Variants in RPS29 observed in about 807,000 individuals in gnomAD.
RPS29 encodes the protein small ribosomal subunit protein uS14.
For synonymous variants in RPS29, 37 were observed against 26.9 expected (o/e 1.37, Z -1.16); for missense variants, 60 against 75.7 (o/e 0.79, Z 0.77).
At chr14:49,574,020 C>T (rs1021088554) in exon 3 of RPS29, 58 of 152,288 alleles carry the variant, frequency 3.8e-4, no homozygotes, top group African/African-American at 1.4e-3. Flanking sequence ...TTTATCACTC[C>T]ATCAACTCGT....
downstream of RPS29, among the ~76,000 whole-genome samples, chr14:49,582,734 C>G (rs1306019023): frequency 6.6e-6 from 1 of 152,230 alleles, no homozygotes; most frequent in Non-Finnish European, 1.5e-5. Flanking sequence ...ACCCTAACAA[C>G]ACATTTCTAA....
At chr14:49,584,890 C>G (rs943739348) in intron 2 of RPS29, among the ~76,000 whole-genome samples, 1 of 150,982 alleles carries the variant, frequency 6.6e-6, no homozygotes, top group African/African-American at 2.4e-5. Flanking sequence ...AAAAAAAAAC[C>G]CAAACTACTA....
At chr14:49,577,422 A>G (rs1881213486) in exon 3 of RPS29, 1 of 352,868 alleles carries the variant, frequency 2.8e-6, no homozygotes, top group South Asian at 2.7e-5. Context: ...GCAGGCTGGC[A>G]TTGGCATTGG....
chr14:49,597,608 A>G (rs1881861161), intron 1 of RPS29: 1 of 152,040 alleles, frequency 6.6e-6, no homozygotes, highest in Non-Finnish European at 1.5e-5. Flanking sequence ...TCGCGTTTTA[A>G]TGCTCTACTA....
At chr14:49,592,408 C>T (rs1881734642) in intron 1 of RPS29, 2 of 142,904 alleles carry the variant, frequency 1.4e-5, no homozygotes, top group East Asian at 4.2e-4. Context: ...ACTCTTGTTG[C>T]CCAGGCTGAA....
chr14:49,593,215 T>G (rs72678063), intron 1 of RPS29, among the ~76,000 whole-genome samples: 2 of 152,360 alleles, frequency 1.3e-5, no homozygotes, highest in Non-Finnish European at 2.9e-5. Context: ...ATTTGTTTAT[T>G]CTTTCTACAA....
exon 3 of RPS29, chr14:49,574,945 T>C (rs367867529): frequency 6.6e-6 from 1 of 152,338 alleles, no homozygotes. Flanking sequence ...ACAGGGTCCA[T>C]TTGAGGTCCA....
chr14:49,586,576 G>A (rs561539947), upstream of RPS29: 31 of 553,618 alleles, frequency 5.6e-5, no homozygotes, highest in South Asian at 1.0e-4. Context: ...GCCGGTATCC[G>A]ACCGCCGGGC....
In RPS29 at chr14:49,583,640, C is replaced by T; in HGVS notation, c.*27G>A. 1 of 1,581,046 alleles carries T rather than the reference C, an allele frequency of 6.3e-7. No individual in the cohort carries two copies. The highest frequency in any genetic ancestry group is 8.6e-7 in the Non-Finnish European group (1 of 1,165,586). ...CATGGTTTTTCATTGAGTAGATGCC[C>T]CGGATAATCCTCTGAAGGAAGAGCA... On this transcript the variant is annotated 3_prime_UTR_variant, in exon 3 of 3. Transcript: ENST00000245458.
intron 2 of RPS29, 30 bp from the exon 3 acceptor site, chr14:49,583,705 CAA>C: frequency 7.8e-7 from 1 of 1,285,300 alleles, no homozygotes; most frequent in Non-Finnish European, 1.1e-6. Flanking sequence ...TGATTTATTT[CAA>C]AATGCTTTAA....
At chr14:49,585,675 C>T in intron 2 of RPS29, 2 of 448,846 alleles carry the variant, frequency 4.5e-6, no homozygotes, top group Non-Finnish European at 4.0e-6. Flanking sequence ...TGAATTTCAC[C>T]AAACACAATA....
chr14:49,577,445 C>A (rs1881214267), exon 3 of RPS29: 1 of 397,016 alleles, frequency 2.5e-6, no homozygotes, highest in South Asian at 2.4e-5. Flanking sequence ...ACTCTGATGA[C>A]CACCTGGGCT....
upstream of RPS29, among the ~76,000 whole-genome samples, chr14:49,588,730 T>C (rs572491151): frequency 1.3e-5 from 2 of 151,970 alleles, no homozygotes; most frequent in Non-Finnish European, 2.9e-5. Flanking sequence ...GGTTTCACCA[T>C]GTTGGCTAGG....
At chr14:49,583,370 G>A (rs575599288), downstream of RPS29, among the ~76,000 whole-genome samples, 27 of 152,074 alleles carry the variant, frequency 1.8e-4, no homozygotes, top group Non-Finnish European at 3.4e-4. Context: ...TCAACATGGT[G>A]AAACCCCCAT....
chr14:49,590,693 T>A (rs1233716279), upstream of RPS29, among the ~76,000 whole-genome samples: 1 of 151,962 alleles, frequency 6.6e-6, no homozygotes, highest in Non-Finnish European at 1.5e-5. Flanking sequence ...TAGGTCTTTT[T>A]TTTTTTTTTC....
At position 49,578,559 on chromosome 14, in the gene RPS29, C is replaced by CT. The variant is rs60555753; in HGVS notation, c.163-707dup. 1.8e-3 allele frequency among the ~76,000 whole-genome samples: 186 copies of CT among 103,432 alleles called. 8 individuals are homozygous for CT. The highest frequency in any genetic ancestry group is 6.4e-3 in the East Asian group (28 of 4,372). The allele number at this position is 103,432 out of a possible 152,430, so 67.9% of individuals were successfully genotyped here. On this transcript the variant is annotated intron_variant, in intron 2 of 2. Transcript: ENST00000396020. ...CTACCAATATTTACCAAAGCTTTCA[C>CT]TTTTTTTTTTTTTTTTTTTGAGACA...
At chr14:49,583,952 A>G (rs572261861) in intron 2 of RPS29, among the ~76,000 whole-genome samples, 2 of 152,304 alleles carry the variant, frequency 1.3e-5, no homozygotes, top group African/African-American at 4.8e-5. Flanking sequence ...AATGCACAGG[A>G]TAGTTGTTCA....
At chr14:49,584,267 T>C (rs1881438344) in intron 2 of RPS29, among the ~76,000 whole-genome samples, 1 of 152,220 alleles carries the variant, frequency 6.6e-6, no homozygotes, top group Admixed American at 6.5e-5. Flanking sequence ...GTGAGGCACC[T>C]CGCCTGGCCC....
Position 49,597,156 on chromosome 14 carries a change from C to G in RPS29, c.-133+1244G>C, listed in dbSNP as rs1456093629. ...CTCCAACTCCCGACCTCAGGCGATT[C>G]TCCCGCCTCGGCCTCCCAAAGTGCT... is the stretch of plus-strand genomic sequence containing the variant. On this transcript the variant is annotated intron_variant, in intron 1 of 3. Transcript: ENST00000556230. Among the ~76,000 whole-genome samples the G allele has an allele frequency of 7.2e-5, 11 of 152,314 alleles. No homozygotes were observed. The South Asian group carries it at 2.3e-3, about 32-fold the overall frequency.
Sources: allele counts gnomAD v4.1 joint callset (sites outside exome capture counted in the v4.1 genomes callset), GRCh38; gene constraint gnomAD v4.1.1; transcripts MANE v1.5; gene names NCBI Gene and HGNC (gene_info 2026-07-23, HGNC 2026-07-21).